Variants in DLGAP2 observed in about 807,000 individuals in gnomAD.
DLGAP2 encodes disks large-associated protein 2.
A neutral mutation model predicts 100.3 loss-of-function variants in DLGAP2; 26 were observed. The ratio of observed to expected loss-of-function variants is 0.26; its 90% CI spans 0.19 to 0.36. The LOEUF is 0.36. DLGAP2 is among the 10% of genes least tolerant of loss of function. The pLI is 1.00. For synonymous variants in DLGAP2, 886 were observed against 630.1 expected (o/e 1.41, Z -6.08); for missense variants, 1,858 against 1,453.2 (o/e 1.28, Z -4.53).
At chr8:1,700,745 C>G (rs968425188) in intron 14 of DLGAP2, among the ~76,000 whole-genome samples, 1 of 152,214 alleles carries the variant, frequency 6.6e-6, no homozygotes, top group African/African-American at 2.4e-5. Flanking sequence ...CATGAACATA[C>G]TGGAATCCCA....
chr8:878,763 T>C (rs1428219444), intron 1 of DLGAP2, among the ~76,000 whole-genome samples: 1 of 152,140 alleles, frequency 6.6e-6, no homozygotes. Flanking sequence ...ACCTCTCCTG[T>C]TTGGCTTCTC....
At chr8:901,973 G>T (rs1349212408) in intron 1 of DLGAP2, among the ~76,000 whole-genome samples, 1 of 152,210 alleles carries the variant, frequency 6.6e-6, no homozygotes, top group African/African-American at 2.4e-5. Flanking sequence ...TGGGAGCCGT[G>T]CAACCCCCAC....
At chr8:1,298,317 C>T (rs1267383324) in intron 3 of DLGAP2, among the ~76,000 whole-genome samples, 1 of 152,322 alleles carries the variant, frequency 6.6e-6, no homozygotes, top group South Asian at 2.1e-4. Context: ...GCGTCCGCTT[C>T]CTGGTCTGTC....
At chr8:902,374 C>T (rs1798270737) in intron 1 of DLGAP2, among the ~76,000 whole-genome samples, 2 of 148,908 alleles carry the variant, frequency 1.3e-5, no homozygotes, top group African/African-American at 2.5e-5. Context: ...GGGGGCACTC[C>T]AAGGGCAGCC....
rs112267089 is a variant in DLGAP2, at chr8:1,681,936, C to T, written c.2704+3307C>T. Among the ~76,000 whole-genome samples, 60 of 132,490 alleles carry T rather than the reference C, an allele frequency of 4.5e-4. 1 individual carries two copies. The highest frequency in any genetic ancestry group is 2.4e-3 in the South Asian group (11 of 4,570). The allele number at this position is 132,490 out of a possible 152,430, so 86.9% of individuals were successfully genotyped here. A position where few individuals can be genotyped will look rare whatever the true frequency, so the allele number is the denominator to read the frequency against. On this transcript the variant is annotated intron_variant, in intron 12 of 14. Coordinates refer to ENST00000637795, the MANE Select transcript of DLGAP2 (RefSeq NM_001346810.2). ...GGAGTCACGGCCCTCTGACGTTGAACGCTCTGCCTTCCCAGCAGTGATCTG... is the reference window on the plus strand; with the variant it reads ...GGAGTCACGGCCCTCTGACGTTGAATGCTCTGCCTTCCCAGCAGTGATCTG...
chr8:849,012 G>A (rs1797128363), intron 1 of DLGAP2, among the ~76,000 whole-genome samples: 3 of 152,076 alleles, frequency 2.0e-5, no homozygotes, highest in Non-Finnish European at 2.9e-5. Flanking sequence ...TGAGGTGCCT[G>A]TTCCAGTATA....
chr8:1,287,745 A>G (rs1799972989), intron 3 of DLGAP2, among the ~76,000 whole-genome samples: 2 of 67,218 alleles, frequency 3.0e-5, no homozygotes, highest in South Asian at 6.1e-4. Flanking sequence ...CTGTTAGGGG[A>G]ACTAGTTTTG....
At chr8:1,578,171 T>A (rs752437794) in intron 6 of DLGAP2, among the ~76,000 whole-genome samples, 4 of 152,206 alleles carry the variant, frequency 2.6e-5, no homozygotes, top group Non-Finnish European at 4.4e-5. Context: ...TCTTTTACGT[T>A]TCCAAGTGAT....
chr8:1,470,339 C>T (rs1269224680), intron 3 of DLGAP2, among the ~76,000 whole-genome samples: 11 of 152,150 alleles, frequency 7.2e-5, no homozygotes, highest in Non-Finnish European at 1.2e-4. Flanking sequence ...GCTGGTGCCA[C>T]CAAGTGAGCC....
At chr8:1,219,491 C>T (rs11785337) in intron 2 of DLGAP2, among the ~76,000 whole-genome samples, 50,447 of 151,884 alleles carry the variant, frequency 0.33, 12,800 homozygotes, top group African/African-American at 0.71. Flanking sequence ...GGATTAGCAT[C>T]TTAATGTGCT....
At chr8:1,616,893 A>C (rs1797171925) in intron 6 of DLGAP2, among the ~76,000 whole-genome samples, 1 of 151,540 alleles carries the variant, frequency 6.6e-6, no homozygotes, top group Non-Finnish European at 1.5e-5. Flanking sequence ...CCTCCTTCTA[A>C]CCTCCAGGAG....
chr8:1,045,271 T>C (rs566699928), intron 2 of DLGAP2, among the ~76,000 whole-genome samples: 1 of 152,360 alleles, frequency 6.6e-6, no homozygotes, highest in South Asian at 2.1e-4. Flanking sequence ...AATAGTTTGG[T>C]TGTCAGCATT....
chr8:894,063 C>A (rs577295605), intron 1 of DLGAP2, among the ~76,000 whole-genome samples: 1 of 152,320 alleles, frequency 6.6e-6, no homozygotes, highest in East Asian at 1.9e-4. Flanking sequence ...GCTTCTTCCC[C>A]TCGTGCGTGA....
intron 8 of DLGAP2, among the ~76,000 whole-genome samples, chr8:1,639,948 C>G (rs763568422): frequency 1.3e-5 from 2 of 152,346 alleles, no homozygotes; most frequent in East Asian, 3.9e-4. Flanking sequence ...CCTGAATTTA[C>G]TCACATCTGC....
chr8:1,258,022 G>A (rs73533772), intron 2 of DLGAP2, among the ~76,000 whole-genome samples: 1 of 152,188 alleles, frequency 6.6e-6, no homozygotes, highest in African/African-American at 2.4e-5. Flanking sequence ...CAGCTTCCTT[G>A]TGTGAGGATC....
chr8:1,224,744 C>T (rs936292418), intron 2 of DLGAP2, among the ~76,000 whole-genome samples: 1 of 152,160 alleles, frequency 6.6e-6, no homozygotes, highest in African/African-American at 2.4e-5. Context: ...AATTCAACAA[C>T]ACAAAAGCCT....
chr8:1,463,373 T>C (rs1050395954), intron 3 of DLGAP2, among the ~76,000 whole-genome samples: 4 of 152,176 alleles, frequency 2.6e-5, no homozygotes, highest in African/African-American at 9.7e-5. Flanking sequence ...AAAATACATA[T>C]GATGAACTGA....
chr8:1,233,674 G>C (rs752683391), intron 2 of DLGAP2, among the ~76,000 whole-genome samples: 1 of 152,210 alleles, frequency 6.6e-6, no homozygotes, highest in Non-Finnish European at 1.5e-5. Flanking sequence ...GTTACTGATA[G>C]ATGATCTCAG....
intron 3 of DLGAP2, among the ~76,000 whole-genome samples, chr8:1,439,826 A>G (rs1288711616): frequency 6.6e-6 from 1 of 152,188 alleles, no homozygotes; most frequent in Middle Eastern, 3.4e-3. Context: ...GAGGGCAGAG[A>G]TGTTGCATAG....
Sources: allele counts gnomAD v4.1 joint callset (sites outside exome capture counted in the v4.1 genomes callset), GRCh38; gene constraint gnomAD v4.1.1; transcripts MANE v1.5; gene names NCBI Gene and HGNC (gene_info 2026-07-23, HGNC 2026-07-21).